Variants in APCDD1L observed in about 807,000 individuals in gnomAD.
The protein encoded by APCDD1L is APC down-regulated 1 like, also known as protein APCDD1-like.
In APCDD1L, 21 loss-of-function variants were observed where a neutral mutation model predicts 24.2. That is an observed-to-expected ratio of 0.87 (90% CI 0.61 to 1.25). The LOEUF (loss-of-function observed/expected upper bound fraction) is 1.25, where lower values mean the gene tolerates loss of function less well. Ranked by LOEUF, APCDD1L falls within the 50% of genes most tolerant of loss-of-function variation. The pLI is 0.00. For synonymous variants in APCDD1L, 321 were observed against 323.6 expected (o/e 0.99, Z 0.09); for missense variants, 704 against 711.7 (o/e 0.99, Z 0.12).
intron 1 of APCDD1L, among the ~76,000 whole-genome samples, chr20:58,512,067 G>T (rs1990639348): frequency 1.3e-5 from 2 of 152,202 alleles, no homozygotes; most frequent in Non-Finnish European, 2.9e-5. Context: ...GCCTGACAGG[G>T]TTTGAAGGAA....
chr20:58,479,308 G>A (rs923337809), intron 1 of APCDD1L, among the ~76,000 whole-genome samples: 5 of 152,188 alleles, frequency 3.3e-5, no homozygotes, highest in Admixed American at 6.5e-5. Flanking sequence ...AGAACTTGGT[G>A]TATATTTTAT....
At chr20:58,465,867 C>T (rs1989694892) in intron 3 of APCDD1L, among the ~76,000 whole-genome samples, 1 of 152,136 alleles carries the variant, frequency 6.6e-6, no homozygotes. Context: ...TTCTCTATAT[C>T]ACAAATTAGC....
chr20:58,504,494 C>T (rs912242177), intron 1 of APCDD1L, among the ~76,000 whole-genome samples: 5 of 152,184 alleles, frequency 3.3e-5, no homozygotes, highest in African/African-American at 1.2e-4. Flanking sequence ...CTTCAGGTGT[C>T]AAGTGGTGAT....
chr20:58,473,775 C>T (rs1449377268), intron 1 of APCDD1L, among the ~76,000 whole-genome samples: 1 of 152,142 alleles, frequency 6.6e-6, no homozygotes, highest in Non-Finnish European at 1.5e-5. Context: ...ACAGTGGTGT[C>T]CACTTACTGT....
At chr20:58,495,588 G>A (rs1298098266) in intron 1 of APCDD1L, among the ~76,000 whole-genome samples, 4 of 152,126 alleles carry the variant, frequency 2.6e-5, no homozygotes, top group Admixed American at 6.5e-5. Flanking sequence ...AACCCAACAC[G>A]TCTAGGTTGG....
chr20:58,461,419 G>A lies in APCDD1L; in HGVS notation c.877C>T (p.Pro293Ser). 6.5e-7 allele frequency: 1 copy of A among 1,535,774 alleles called. No individual in the cohort carries two copies. Among genetic ancestry groups the A allele is most frequent in the Non-Finnish European group, 8.8e-7 (1 of 1,137,636 alleles). ...WWVSSGCEVRPAVLFLTRLFT... is the reference protein window; with the variant it reads ...WWVSSGCEVRSAVLFLTRLFT... ...AGCCGGGTGAGGAACAGGACTGCTG[G>A]GCGCACCTCGCACCCCGAGCTGACC... Residue 293 changes from proline to serine, a missense_variant, in exon 4 of 4, where the codon CCA (proline) becomes TCA (serine). Pro to Ser is a moderately conservative substitution (Grantham distance 74). Transcript: ENST00000371149. The surrounding 1 kb of genome is among the most constrained non-coding windows in gnomAD (Gnocchi z 6.0).
chr20:58,488,425 C>G (rs1990165566), intron 1 of APCDD1L, among the ~76,000 whole-genome samples: 1 of 152,150 alleles, frequency 6.6e-6, no homozygotes, highest in South Asian at 2.1e-4. Flanking sequence ...TATGAACATT[C>G]TTTTCAAACA....
At chr20:58,480,021 A>T (rs928086396) in intron 1 of APCDD1L, among the ~76,000 whole-genome samples, 5 of 152,240 alleles carry the variant, frequency 3.3e-5, no homozygotes, top group African/African-American at 1.2e-4. Context: ...CACACTTTGC[A>T]TTCTAAGAAG....
At chr20:58,476,829 C>T (rs1989919900) in intron 1 of APCDD1L, among the ~76,000 whole-genome samples, 1 of 152,200 alleles carries the variant, frequency 6.6e-6, no homozygotes, top group Admixed American at 6.5e-5. Flanking sequence ...AAGGGCAAAC[C>T]TTTGGCTGCC....
chr20:58,461,364 C>A lies in APCDD1L; in HGVS notation c.932G>T (p.Trp311Leu). The change falls in exon 4 of 4, where the codon TGG becomes TTG. Residue 311 changes from tryptophan to leucine, a missense_variant. Physicochemically the swap from Trp to Leu is moderately conservative, Grantham distance 61. Transcript: ENST00000371149. This position sits in a 1 kb window ranked among gnomAD's most constrained non-coding sequence, Gnocchi z 6.0. ...LFTFHGHSRS[W>L]EGYYHHFSDP... ...TGAGAAGTGGTGGTAATACCCTTCC[C>A]AGGAGCGGCTGTGCCCGTGGAAAGT... The A allele has an allele frequency of 6.3e-7, 1 of 1,575,016 alleles. No homozygotes were observed. Among genetic ancestry groups the A allele is most frequent in the South Asian group, 1.2e-5 (1 of 86,184 alleles).
At chr20:58,502,821 G>T (rs993777752) in intron 1 of APCDD1L, among the ~76,000 whole-genome samples, 11 of 152,082 alleles carry the variant, frequency 7.2e-5, no homozygotes, top group Admixed American at 2.6e-4. Flanking sequence ...AGCAGCTCTG[G>T]TCGCAAACAC....
intron 1 of APCDD1L, among the ~76,000 whole-genome samples, chr20:58,509,844 C>T (rs1655049768): frequency 6.6e-6 from 1 of 152,218 alleles, no homozygotes; most frequent in Admixed American, 6.5e-5. Context: ...CATTCTTACC[C>T]TGCTTTACAT....
At chr20:58,483,849 C>T (rs918577997) in intron 1 of APCDD1L, among the ~76,000 whole-genome samples, 2 of 152,116 alleles carry the variant, frequency 1.3e-5, no homozygotes, top group African/African-American at 2.4e-5. Flanking sequence ...AAGTGGGGTG[C>T]AGCTCCTCAG....
chr20:58,477,423 G>A (rs1419022963), intron 1 of APCDD1L, among the ~76,000 whole-genome samples: 4 of 152,114 alleles, frequency 2.6e-5, no homozygotes, highest in Admixed American at 6.5e-5. Flanking sequence ...ATGTTTCCTC[G>A]TGAGTAAATT....
intron 1 of APCDD1L, among the ~76,000 whole-genome samples, chr20:58,507,406 A>C (rs1990543194): frequency 6.6e-6 from 1 of 152,194 alleles, no homozygotes; most frequent in African/African-American, 2.4e-5. Flanking sequence ...GATGAAATGA[A>C]GTAATGTGCT....
intron 1 of APCDD1L, among the ~76,000 whole-genome samples, chr20:58,510,026 C>T (rs183192751): frequency 4.2e-4 from 64 of 152,260 alleles, no homozygotes; most frequent in Admixed American, 9.1e-4. Context: ...GTCCTTCTGC[C>T]GGGAATTCTG....
rs1431806581 is a variant in APCDD1L, at chr20:58,508,701, C to T, written c.49+5958G>A. Reference sequence around the variant, plus strand: ...ACTATGTTGGGTATATGAGCGATTACTGAGTACCTACTATGTGCCAGGCAC... The same window carrying T: ...ACTATGTTGGGTATATGAGCGATTATTGAGTACCTACTATGTGCCAGGCAC... On this transcript the variant is annotated intron_variant, in intron 1 of 3. Coordinates refer to ENST00000371149, the MANE Select transcript of APCDD1L (RefSeq NM_153360.3). The surrounding 1 kb of genome is among the most constrained non-coding windows in gnomAD (Gnocchi z 4.0). Among the ~76,000 whole-genome samples the T allele has an allele frequency of 2.0e-5, 3 of 152,178 alleles. No homozygotes were observed. Among genetic ancestry groups the T allele is most frequent in the East Asian group, 1.9e-4 (1 of 5,186 alleles).
chr20:58,496,484 C>T (rs533594580), intron 1 of APCDD1L, among the ~76,000 whole-genome samples: 1 of 152,354 alleles, frequency 6.6e-6, no homozygotes, highest in South Asian at 2.1e-4. Flanking sequence ...TTGGAGGAAG[C>T]CCAGCGAGGG....
chr20:58,492,777 C>A (rs1990244072), intron 1 of APCDD1L, among the ~76,000 whole-genome samples: 1 of 152,256 alleles, frequency 6.6e-6, no homozygotes, highest in South Asian at 2.1e-4. Flanking sequence ...CAAACACATA[C>A]ACATGCACTC....
Sources: allele counts gnomAD v4.1 joint callset (sites outside exome capture counted in the v4.1 genomes callset), GRCh38; gene constraint gnomAD v4.1.1; non-coding constraint Gnocchi (gnomAD v3.1); transcripts MANE v1.5; gene names NCBI Gene and HGNC (gene_info 2026-07-23, HGNC 2026-07-21).